The following UGT1A10 variants were observed in gnomAD, a reference collection of about 807,000 sequenced individuals.
UGT1A10 encodes the protein UDP-glucuronosyltransferase 1A10.
UGT1A10 carries 49 observed loss-of-function variants against 45.8 expected under a neutral mutation model. The ratio of observed to expected loss-of-function variants is 1.07; its 90% confidence interval spans 0.85 to 1.36. The LOEUF is 1.36. UGT1A10 is among the 40% of genes most tolerant of loss of function. The pLI is 0.00. For missense variants in UGT1A10, 745 were observed against 668.6 expected (o/e 1.11, Z -1.26); for synonymous variants, 284 against 249.7 (o/e 1.14, Z -1.29).
At chr2:233,698,811 CT>C (rs1271175599) in intron 1 of UGT1A10, among the ~76,000 whole-genome samples, 1 of 152,244 alleles carries the variant, frequency 6.6e-6, no homozygotes, top group Non-Finnish European at 1.5e-5. Context: ...CCAGCCTCGC[CT>C]TGTGGAAGAG....
intron 1 of UGT1A10, among the ~76,000 whole-genome samples, chr2:233,657,547 G>T (rs775230621): frequency 3.3e-5 from 5 of 152,134 alleles, no homozygotes; most frequent in Admixed American, 6.5e-5. Flanking sequence ...AAACATACTA[G>T]GTCATTTGTG....
chr2:233,769,855 C>G lies in UGT1A10; in HGVS notation c.1295+1416C>G. On this transcript the variant is annotated intron_variant, in intron 4 of 4. Transcript: ENST00000344644. The surrounding 1 kb of genome is among the most constrained non-coding windows in gnomAD (Gnocchi z 4.4). ...CCTGGGCAACAGAGTGAGACCCTGT[C>G]TCAAAAAAAAAAAAAAAAATGAAAA... is the stretch of plus-strand genomic sequence containing the variant. The G allele has an allele frequency of 2.7e-6, 1 of 372,080 alleles. No individual in the cohort carries two copies. The highest frequency in any genetic ancestry group is 7.2e-5 in the South Asian group (1 of 13,958). 23.0% of individuals were successfully genotyped at this position (372,080 alleles called of 1,614,324 possible).
intron 1 of UGT1A10, among the ~76,000 whole-genome samples, chr2:233,726,343 G>T (rs1236966840): frequency 5.3e-5 from 8 of 152,068 alleles, no homozygotes; most frequent in Non-Finnish European, 7.4e-5. Context: ...GTGGTTTTTT[G>T]ATTTATTTAT....
intron 1 of UGT1A10, chr2:233,692,279 C>G (rs2075088815): frequency 6.6e-6 from 1 of 152,370 alleles, no homozygotes. Flanking sequence ...TTTCCTCTGG[C>G]TATTCATCCG....
intron 1 of UGT1A10, chr2:233,743,413 C>T: frequency 7.6e-7 from 1 of 1,324,104 alleles, no homozygotes; most frequent in South Asian, 1.2e-5. Context: ...GCCCCCACTT[C>T]CCAGGGAGCC....
chr2:233,730,218 T>C (rs2078001973), intron 1 of UGT1A10, among the ~76,000 whole-genome samples: 1 of 152,086 alleles, frequency 6.6e-6, no homozygotes, highest in Admixed American at 6.5e-5. Context: ...ACACGAATGT[T>C]TGTAAAAGGA....
At chr2:233,656,998 C>G (rs2073869774) in intron 1 of UGT1A10, among the ~76,000 whole-genome samples, 1 of 151,992 alleles carries the variant, frequency 6.6e-6, no homozygotes, top group African/African-American at 2.4e-5. Context: ...GCGTTAGGAC[C>G]TAACCTTTCT....
chr2:233,657,189 C>T (rs2073874504), intron 1 of UGT1A10, among the ~76,000 whole-genome samples: 2 of 152,228 alleles, frequency 1.3e-5, no homozygotes, highest in South Asian at 4.1e-4. Flanking sequence ...CCCCCATCAT[C>T]TCACCTTTCC....
intron 1 of UGT1A10, among the ~76,000 whole-genome samples, chr2:233,739,951 G>A (rs533176233): frequency 1.3e-5 from 2 of 151,940 alleles, no homozygotes; most frequent in East Asian, 1.9e-4. Context: ...TACCTGGTGG[G>A]AGCTGATTGA....
Position 233,686,983 on chromosome 2 carries a change from C to T in UGT1A10, c.855+49606C>T, listed in dbSNP as rs930412019. On this transcript the variant is annotated intron_variant, in intron 1 of 4. Transcript: ENST00000344644. ...ATTAGCAAGGCAGGGAAGTTGTACC[C>T]CAAGTCTTGGTTTCAACACTAGAGG... Among the ~76,000 whole-genome samples the T allele has an allele frequency of 2.6e-5, 4 of 152,148 alleles. No individual in the cohort carries two copies. In the South Asian group the frequency reaches 8.3e-4, roughly 32 times the overall value.
intron 1 of UGT1A10, among the ~76,000 whole-genome samples, chr2:233,644,319 G>C (rs2073543336): frequency 1.3e-5 from 2 of 152,312 alleles, no homozygotes; most frequent in South Asian, 4.1e-4. Context: ...TGTAATCCCA[G>C]CACTTAGGGA....
intron 1 of UGT1A10, among the ~76,000 whole-genome samples, chr2:233,696,839 C>T (rs1177770850): frequency 6.6e-6 from 1 of 152,168 alleles, no homozygotes. Flanking sequence ...CATAAAGGGA[C>T]GTTGAATTTT....
chr2:233,646,778 A>G (rs1361893081), intron 1 of UGT1A10, among the ~76,000 whole-genome samples: 1 of 152,202 alleles, frequency 6.6e-6, no homozygotes, highest in Non-Finnish European at 1.5e-5. Context: ...AAACTTTCCT[A>G]CATTTTCCTG....
At chr2:233,752,418 C>G (rs969012523) in intron 1 of UGT1A10, 2 of 152,110 alleles carry the variant, frequency 1.3e-5, no homozygotes, top group African/African-American at 2.4e-5. Context: ...TTCTGAAAAC[C>G]TGATTTATCG....
intron 1 of UGT1A10, chr2:233,672,307 A>T (rs2074220649): frequency 6.2e-7 from 1 of 1,613,946 alleles, no homozygotes; most frequent in African/African-American, 1.3e-5. Context: ...TTCAAATTGC[A>T]GGAGTTTGTT....
chr2:233,729,862 G>T lies in UGT1A10; in HGVS notation c.856-37172G>T, dbSNP rs146461519. On this transcript the variant is annotated intron_variant, in intron 1 of 4. Transcript: ENST00000344644. Reference sequence around the variant, plus strand: ...GCTTTTTCAGAGAGAGGTGTCAGTGGTGGATATTCTCAGTCATGCATCTGT... The same window carrying T: ...GCTTTTTCAGAGAGAGGTGTCAGTGTTGGATATTCTCAGTCATGCATCTGT... 816 of 1,613,860 alleles carry T rather than the reference G, an allele frequency of 5.1e-4. 3 individuals are homozygous for T. In the Middle Eastern group the frequency reaches 7.4e-3, roughly 15 times the overall value.
chr2:233,669,857 G>C (rs575551395), intron 1 of UGT1A10, among the ~76,000 whole-genome samples: 35 of 152,058 alleles, frequency 2.3e-4, no homozygotes, highest in African/African-American at 8.4e-4. Flanking sequence ...CTAATTTTTT[G>C]CATTTTTAGT....
intron 1 of UGT1A10, among the ~76,000 whole-genome samples, chr2:233,659,858 A>C (rs80036991): frequency 1.0e-3 from 155 of 152,266 alleles, no homozygotes; most frequent in Non-Finnish European, 1.6e-3. Context: ...AGATTGTCTA[A>C]TGTCAATTTA....
intron 1 of UGT1A10, chr2:233,722,079 A>C (rs1416421217): frequency 4.1e-6 from 1 of 244,000 alleles, no homozygotes; most frequent in African/African-American, 2.3e-5. Context: ...AAGAATTTTC[A>C]CAGATCACCT....
Sources: gnomAD v4.1 joint callset for allele counts (sites outside exome capture counted in the v4.1 genomes callset) on GRCh38, gnomAD v4.1.1 for gene constraint, Gnocchi (gnomAD v3.1) non-coding constraint, MANE v1.5 for transcripts, NCBI Gene and HGNC (gene_info 2026-07-23, HGNC 2026-07-21) for gene names.